The following METAP1 variants were observed in gnomAD, a reference collection of about 807,000 sequenced individuals.
The protein encoded by METAP1 is methionyl aminopeptidase 1, also known as methionine aminopeptidase 1.
Under a neutral mutation model 53.8 loss-of-function variants are expected in METAP1, and 28 were observed. That is an observed-to-expected ratio of 0.52 (90% confidence interval 0.39 to 0.71). The LOEUF is 0.71. Ranked by LOEUF, METAP1 falls within the 30% of genes least tolerant of loss-of-function variation. The pLI, the probability that METAP1 is intolerant of heterozygous loss-of-function variation, is 0.00. For synonymous variants in METAP1, 181 were observed against 165.7 expected (o/e 1.09, Z -0.71); for missense variants, 389 against 479.8 (o/e 0.81, Z 1.77).
chr4:99,041,539 G>GGAACAGTCCAAATAAA (rs2110369671), intron 6 of METAP1, among the ~76,000 whole-genome samples: 1 of 152,074 alleles, frequency 6.6e-6, no homozygotes, highest in African/African-American at 2.4e-5. Flanking sequence ...ATAAATATTT[G>GGAACAGTCCAAATAAA]TAGTAAGTAT....
At chr4:99,033,973 G>GTT (rs201820854) in intron 2 of METAP1, among the ~76,000 whole-genome samples, 1,563 of 152,260 alleles carry the variant, frequency 0.01, 11 homozygotes, top group Non-Finnish European at 0.017. Flanking sequence ...CTTAGTATAT[G>GTT]TTTACATGGA....
At chr4:99,024,661 C>A (rs1019311089) in intron 1 of METAP1, among the ~76,000 whole-genome samples, 3 of 152,202 alleles carry the variant, frequency 2.0e-5, no homozygotes, top group Non-Finnish European at 4.4e-5. Context: ...GTGTTGTTAT[C>A]CCCAGGGGCG....
intron 10 of METAP1, among the ~76,000 whole-genome samples, chr4:99,060,489 G>A (rs1048401614): frequency 2.7e-5 from 4 of 147,762 alleles, no homozygotes; most frequent in Non-Finnish European, 4.4e-5. Context: ...TCAGCTTCCC[G>A]AGTAGCTGGG....
intron 1 of METAP1, chr4:99,022,801 C>G: frequency 6.3e-7 from 1 of 1,596,546 alleles, no homozygotes; most frequent in South Asian, 1.1e-5. Flanking sequence ...TGTCACGGAA[C>G]TCCACCCATC....
chr4:99,042,384 T>G (rs954776376), intron 6 of METAP1, among the ~76,000 whole-genome samples: 3 of 152,050 alleles, frequency 2.0e-5, no homozygotes, highest in African/African-American at 7.2e-5. Flanking sequence ...TGGTATATTG[T>G]GCAACCATTA....
chr4:99,026,481 G>A (rs1301252795), intron 1 of METAP1: 1 of 985,390 alleles, frequency 1.0e-6, no homozygotes, highest in Non-Finnish European at 1.2e-6. Context: ...TAGTTATAAC[G>A]GTGAGTGTTA....
chr4:99,002,443 A>G (rs1019565064), intron 1 of METAP1, among the ~76,000 whole-genome samples: 1 of 152,216 alleles, frequency 6.6e-6, no homozygotes, highest in Non-Finnish European at 1.5e-5. Flanking sequence ...GCATTCTTTT[A>G]TTCATGCTTG....
intron 1 of METAP1, among the ~76,000 whole-genome samples, chr4:99,002,073 A>G (rs2110274330): frequency 6.6e-6 from 1 of 152,330 alleles, no homozygotes; most frequent in Middle Eastern, 3.4e-3. Flanking sequence ...GTGGATTGAA[A>G]TCAAGTTTTA....
At chr4:99,047,655 C>T (rs1726370297) in intron 8 of METAP1, among the ~76,000 whole-genome samples, 1 of 152,150 alleles carries the variant, frequency 6.6e-6, no homozygotes, top group African/African-American at 2.4e-5. Flanking sequence ...TACATTGTAT[C>T]TGAACCTCAG....
chr4:99,021,532 T>C (rs1724108375), intron 1 of METAP1, among the ~76,000 whole-genome samples: 2 of 151,990 alleles, frequency 1.3e-5, no homozygotes, highest in South Asian at 4.2e-4. Flanking sequence ...AATTTGATGT[T>C]GTAAAGAAAT....
chr4:99,060,666 CAT>C (rs1253834936), intron 10 of METAP1, among the ~76,000 whole-genome samples: 1 of 152,080 alleles, frequency 6.6e-6, no homozygotes, highest in Admixed American at 6.5e-5. Flanking sequence ...CCTGGCCAAG[CAT>C]ATGCTTTTTT....
intron 9 of METAP1, among the ~76,000 whole-genome samples, chr4:99,050,810 C>A (rs1391727230): frequency 3.3e-5 from 5 of 152,158 alleles, no homozygotes; most frequent in African/African-American, 4.8e-5. Context: ...ATCATCCCCC[C>A]AAGGCTTGTA....
intron 9 of METAP1, among the ~76,000 whole-genome samples, chr4:99,054,386 C>G (rs1726947050): frequency 6.6e-6 from 1 of 152,220 alleles, no homozygotes. Flanking sequence ...TGTCACCTCT[C>G]TCAGCCTTCG....
chr4:99,013,345 G>A (rs1413486352), intron 1 of METAP1, among the ~76,000 whole-genome samples: 1 of 152,098 alleles, frequency 6.6e-6, no homozygotes, highest in Non-Finnish European at 1.5e-5. Flanking sequence ...TAAAAAAGAT[G>A]CTAATACCAC....
At chr4:99,038,595 G>A (rs1453450480) in intron 4 of METAP1, among the ~76,000 whole-genome samples, 1 of 151,954 alleles carries the variant, frequency 6.6e-6, no homozygotes, top group Admixed American at 6.6e-5. Context: ...TTTTCCATTA[G>A]TACTTGTAAA....
Position 99,034,359 on chromosome 4 carries a change from A to G in METAP1, c.279+17A>G. The G allele has an allele frequency of 7.3e-7, 1 of 1,371,764 alleles. No individual in the cohort carries two copies. 85.0% of individuals were successfully genotyped at this position (1,371,764 alleles called of 1,614,324 possible). ...TATCCACTGGTGAGTAAATAAGGTA[A>G]TAAAAACAACATTCCAATTTTGAAT... On this transcript the variant is annotated intron_variant, in intron 3 of 10. Coordinates refer to ENST00000296411, the MANE Select transcript of METAP1 (RefSeq NM_015143.3).
intron 1 of METAP1, chr4:99,026,798 T>C (rs1724596257): frequency 2.0e-6 from 2 of 985,298 alleles, no homozygotes; most frequent in Non-Finnish European, 2.4e-6. Flanking sequence ...CCATTAATGA[T>C]GTTGAAGACC....
intron 8 of METAP1, among the ~76,000 whole-genome samples, chr4:99,046,936 CAAAAA>C (rs56702946): frequency 6.1e-5 from 5 of 82,220 alleles, no homozygotes; most frequent in Non-Finnish European, 7.8e-5. Context: ...ACTGAAGAAA[CAAAAA>C]AAAAAAAAAA....
intron 1 of METAP1, among the ~76,000 whole-genome samples, chr4:99,004,384 C>G (rs1723065572): frequency 6.6e-6 from 1 of 151,686 alleles, no homozygotes; most frequent in Non-Finnish European, 1.5e-5. Flanking sequence ...CTAAAGCACC[C>G]AACACTATAA....
Sources: gnomAD v4.1 joint callset for allele counts (sites outside exome capture counted in the v4.1 genomes callset) on GRCh38, gnomAD v4.1.1 for gene constraint, MANE v1.5 for transcripts, NCBI Gene and HGNC (gene_info 2026-07-23, HGNC 2026-07-21) for gene names.